Variants in MAPRE2 observed in about 807,000 individuals in gnomAD.
MAPRE2 encodes microtubule-associated protein RP/EB family member 2.
In MAPRE2, 13 loss-of-function variants were observed where a neutral mutation model predicts 43.2. The ratio of observed to expected loss-of-function variants is 0.30; its 90% CI spans 0.20 to 0.48. The LOEUF (loss-of-function observed/expected upper bound fraction) is 0.48. MAPRE2 is among the 20% of genes least tolerant of loss of function. The pLI is 0.99. For missense variants in MAPRE2, 161 were observed against 400.2 expected (o/e 0.40, Z 5.10); for synonymous variants, 135 against 148.8 (o/e 0.91, Z 0.68).
chr18:35,113,630 T>C (rs1909279113), intron 4 of MAPRE2, among the ~76,000 whole-genome samples: 1 of 152,220 alleles, frequency 6.6e-6, no homozygotes, highest in African/African-American at 2.4e-5. Flanking sequence ...GCCAGGCACA[T>C]GCCTGTAGTC....
chr18:35,057,516 G>GTGTGTGTGTGTGTGTGTGTGTT (rs1906302141), intron 1 of MAPRE2, among the ~76,000 whole-genome samples: 2 of 151,750 alleles, frequency 1.3e-5, no homozygotes, highest in Non-Finnish European at 2.9e-5. Context: ...GCGTGTGTGT[G>GTGTGTGTGTGTGTGTGTGTGTT]TGTGTGTGTG....
rs1210749934 is a variant in MAPRE2 at position 35,073,718 on chromosome 18, C to T, written c.250+3396C>T. Among the ~76,000 whole-genome samples, 6 of 152,282 alleles carry T rather than the reference C, an allele frequency of 3.9e-5. No individual in the cohort carries two copies. In the East Asian group the frequency reaches 1.2e-3, roughly 29 times the overall value. ...CCCTCCAGCTCAGTATTAAAACTAA[C>T]ACCAGCTTTTCTTTAATTTGTGAAG... is the stretch of plus-strand genomic sequence containing the variant. On this transcript the variant is annotated intron_variant, in intron 2 of 6. Coordinates refer to ENST00000300249, the MANE Select transcript of MAPRE2 (RefSeq NM_014268.4).
At chr18:34,981,856 CTTTA>C (rs1354674595) in intron 1 of MAPRE2, among the ~76,000 whole-genome samples, 10 of 125,708 alleles carry the variant, frequency 8.0e-5, no homozygotes, top group South Asian at 2.6e-4. Context: ...GTCTCAGCGA[CTTTA>C]TTTATTTTTT....
intron 2 of MAPRE2, among the ~76,000 whole-genome samples, chr18:35,014,386 ATTTTT>A (rs368732245): frequency 1.4e-5 from 2 of 139,700 alleles, no homozygotes; most frequent in Non-Finnish European, 3.1e-5. Context: ...GGGCAGGGTG[ATTTTT>A]TTTTTTTTTT....
At chr18:35,071,540 A>G (rs1244344218) in intron 2 of MAPRE2, among the ~76,000 whole-genome samples, 2 of 152,238 alleles carry the variant, frequency 1.3e-5, no homozygotes, top group Non-Finnish European at 2.9e-5. Context: ...TGGCTTCAAC[A>G]TGAAAATGGT....
rs116030736 is a variant in MAPRE2 at position 34,991,538 on chromosome 18, A to G, written c.-69-13954A>G. On this transcript the variant is annotated intron_variant, in intron 1 of 7. Transcript: ENST00000413393. ...TAAAGGGAGTATAATCATATTCCAG[A>G]ATGCGTGGCCTTTTTTCTCCTCTTG... 7.9e-3 allele frequency among the ~76,000 whole-genome samples: 1,209 copies of G among 152,276 alleles called. 17 individuals are homozygous for G. The highest frequency in any genetic ancestry group is 0.028 in the African/African-American group (1,146 of 41,550).
intron 1 of MAPRE2, among the ~76,000 whole-genome samples, chr18:35,053,146 C>A (rs1389491359): frequency 6.6e-6 from 1 of 152,116 alleles, no homozygotes; most frequent in African/African-American, 2.4e-5. Flanking sequence ...GTAATCCCAG[C>A]ACTTTGGGAG....
intron 1 of MAPRE2, among the ~76,000 whole-genome samples, chr18:35,000,643 T>C (rs1295142198): frequency 2.0e-5 from 3 of 152,158 alleles, no homozygotes; most frequent in African/African-American, 7.2e-5. Context: ...TAAAGAGTCA[T>C]GACTCTTATC....
chr18:35,110,103 C>A (rs1909112009), intron 4 of MAPRE2, among the ~76,000 whole-genome samples: 1 of 152,046 alleles, frequency 6.6e-6, no homozygotes, highest in African/African-American at 2.4e-5. Flanking sequence ...GGAAACCCTG[C>A]AGCCACCCCT....
intron 5 of MAPRE2, among the ~76,000 whole-genome samples, chr18:35,127,943 G>A (rs568715): frequency 2.6e-5 from 4 of 152,166 alleles, no homozygotes; most frequent in Admixed American, 1.3e-4. Context: ...AGGGCCCATC[G>A]AGGAGAGCCT....
intron 1 of MAPRE2, among the ~76,000 whole-genome samples, chr18:35,054,906 T>C (rs1344803949): frequency 1.3e-5 from 2 of 152,186 alleles, no homozygotes; most frequent in East Asian, 1.9e-4. Flanking sequence ...TTCTATTGGC[T>C]TGAAATAATA....
intron 4 of MAPRE2, among the ~76,000 whole-genome samples, chr18:35,117,843 CAGT>C (rs1372786235): frequency 1.3e-5 from 2 of 151,954 alleles, no homozygotes; most frequent in African/African-American, 2.4e-5. Flanking sequence ...GGTGAAAAGT[CAGT>C]AGTTTATTGA....
At chr18:35,017,966 T>C (rs918189978) in intron 2 of MAPRE2, among the ~76,000 whole-genome samples, 11 of 151,976 alleles carry the variant, frequency 7.2e-5, no homozygotes, top group Non-Finnish European at 1.6e-4. Flanking sequence ...GGGTTTGTCA[T>C]AGATGGCTCT....
At position 35,041,437 on chromosome 18, in the gene MAPRE2, G is replaced by A; in HGVS notation, c.-103G>A. The stretch of plus-strand genomic sequence containing the variant: ...GGAGAAGGCAGTGAGCGAGCAGGCG[G>A]CAGGCACGGTCCGTGCGGAGCAGGC... On this transcript the variant is annotated 5_prime_UTR_variant, in exon 1 of 7. Transcript: ENST00000300249. The A allele has an allele frequency of 6.3e-7, 1 of 1,583,544 alleles. No individual in the cohort carries two copies. The highest frequency in any genetic ancestry group is 8.6e-7 in the Non-Finnish European group (1 of 1,164,150).
At chr18:35,101,317 T>C (rs560163740) in intron 3 of MAPRE2, among the ~76,000 whole-genome samples, 1 of 152,316 alleles carries the variant, frequency 6.6e-6, no homozygotes, top group African/African-American at 2.4e-5. Flanking sequence ...CTGAGGCATT[T>C]TGATACAGGC....
chr18:35,090,218 C>A (rs1369533298), intron 2 of MAPRE2, among the ~76,000 whole-genome samples: 1 of 151,964 alleles, frequency 6.6e-6, no homozygotes, highest in African/African-American at 2.4e-5. Context: ...TAAATAGTGG[C>A]AATGGATGAA....
chr18:35,010,280 T>C (rs1339115360), intron 2 of MAPRE2, among the ~76,000 whole-genome samples: 1 of 152,140 alleles, frequency 6.6e-6, no homozygotes, highest in Non-Finnish European at 1.5e-5. Context: ...GTGGCCCATG[T>C]CTGTAGTTGC....
chr18:35,004,732 A>G (rs914980618), intron 1 of MAPRE2, among the ~76,000 whole-genome samples: 40 of 152,196 alleles, frequency 2.6e-4, no homozygotes, highest in African/African-American at 9.6e-4. Context: ...CCTGGCTAAC[A>G]CGGTGAAACA....
chr18:35,118,683 C>T (rs771199013), intron 4 of MAPRE2, among the ~76,000 whole-genome samples: 4 of 152,176 alleles, frequency 2.6e-5, no homozygotes, highest in Non-Finnish European at 5.9e-5. Context: ...AAAGCTAGAT[C>T]ATGTCACTCT....
Sources: allele counts gnomAD v4.1 joint callset (sites outside exome capture counted in the v4.1 genomes callset), GRCh38; gene constraint gnomAD v4.1.1; transcripts MANE v1.5; gene names NCBI Gene and HGNC (gene_info 2026-07-23, HGNC 2026-07-21).